ATE1: variants seen among roughly 807,000 people sequenced by gnomAD.
The protein encoded by ATE1 is arginyl-tRNA--protein transferase 1.
Under a neutral mutation model 70.5 loss-of-function variants are expected in ATE1, and 36 were observed. That is an observed-to-expected ratio of 0.51 (90% CI 0.39 to 0.67). The LOEUF is 0.67. ATE1 is among the 30% of genes least tolerant of loss of function. The pLI, the probability that ATE1 is intolerant of heterozygous loss-of-function variation, is 0.00. For synonymous variants in ATE1, 232 were observed against 219.3 expected (o/e 1.06, Z -0.51); for missense variants, 593 against 629.5 (o/e 0.94, Z 0.62).
chr10:121,912,515 G>A (rs931761450), intron 4 of ATE1, among the ~76,000 whole-genome samples: 2 of 151,494 alleles, frequency 1.3e-5, no homozygotes, highest in African/African-American at 4.8e-5. Flanking sequence ...AGCCAGATGT[G>A]GTGGCGGGTG....
chr10:121,830,235 G>A (rs993562689), intron 10 of ATE1, among the ~76,000 whole-genome samples: 13 of 152,190 alleles, frequency 8.5e-5, no homozygotes, highest in Non-Finnish European at 2.9e-5. Flanking sequence ...TGGTAGTGTT[G>A]GGAGATGGGG....
chr10:121,872,242 T>G (rs1186546540), intron 7 of ATE1, among the ~76,000 whole-genome samples: 1 of 152,214 alleles, frequency 6.6e-6, no homozygotes, highest in Non-Finnish European at 1.5e-5. Context: ...TAAAAACTAA[T>G]GTCTCCTTGA....
intron 11 of ATE1, among the ~76,000 whole-genome samples, chr10:121,784,404 C>G (rs146362400): frequency 4.0e-4 from 61 of 152,230 alleles, no homozygotes; most frequent in African/African-American, 1.4e-3. Context: ...TCATACACAC[C>G]AAATATTGTA....
intron 1 of ATE1, among the ~76,000 whole-genome samples, chr10:121,926,061 T>C (rs539915392): frequency 9.2e-4 from 139 of 151,802 alleles, no homozygotes; most frequent in Middle Eastern, 3.4e-3. Context: ...ACAAAAAAAT[T>C]AGCCGGCCGT....
chr10:121,923,429 T>G (rs1460263158), intron 2 of ATE1, among the ~76,000 whole-genome samples: 2 of 152,094 alleles, frequency 1.3e-5, no homozygotes, highest in Non-Finnish European at 2.9e-5. Flanking sequence ...GATGGCACTG[T>G]ACTCTAGCCT....
chr10:121,833,362 T>C (rs1948318700), intron 10 of ATE1, among the ~76,000 whole-genome samples: 1 of 152,122 alleles, frequency 6.6e-6, no homozygotes, highest in Non-Finnish European at 1.5e-5. Flanking sequence ...TCTGCATTAG[T>C]ATTTTCATTC....
At position 121,836,833 on chromosome 10, in the gene ATE1, GA is replaced by G; in HGVS notation, c.1158-17del. 1 of 1,470,040 alleles carries G rather than the reference GA, an allele frequency of 6.8e-7. No individual in the cohort carries two copies. Among genetic ancestry groups the G allele is most frequent in the Non-Finnish European group, 9.4e-7 (1 of 1,060,944 alleles). The allele number at this position is 1,470,040 out of a possible 1,614,324, so 91.1% of individuals were successfully genotyped here. ...AGCAATTTCTCTGCGAAAAGAAAAA[GA>G]AGAAAGCTGAAGGCAGTTAATTCTG... On this transcript the variant is annotated splice_polypyrimidine_tract_variant and intron_variant, in intron 9 of 11. Transcript: ENST00000224652.
At chr10:121,751,476 C>G (rs143071716) in intron 11 of ATE1, among the ~76,000 whole-genome samples, 15 of 152,334 alleles carry the variant, frequency 9.8e-5, no homozygotes, top group Admixed American at 3.3e-4. Flanking sequence ...ATGAGCACTG[C>G]TATTAGCTGC....
intron 11 of ATE1, among the ~76,000 whole-genome samples, chr10:121,762,811 T>C (rs1945108799): frequency 2.6e-5 from 4 of 152,278 alleles, no homozygotes; most frequent in Admixed American, 2.6e-4. Context: ...CTCACATTTA[T>C]TTCAATGTTT....
chr10:121,908,803 A>G (rs575807279), intron 5 of ATE1, among the ~76,000 whole-genome samples: 1 of 152,238 alleles, frequency 6.6e-6, no homozygotes, highest in Non-Finnish European at 1.5e-5. Flanking sequence ...CGGCAAAAAA[A>G]TAGACAAAAG....
chr10:121,882,838 T>C (rs1397712477), intron 7 of ATE1, among the ~76,000 whole-genome samples: 3 of 152,230 alleles, frequency 2.0e-5, no homozygotes, highest in African/African-American at 7.2e-5. Context: ...TCCCATTTCA[T>C]GGTCTTAATC....
At chr10:121,879,041 A>T (rs1039652670) in intron 7 of ATE1, among the ~76,000 whole-genome samples, 3 of 152,224 alleles carry the variant, frequency 2.0e-5, no homozygotes, top group Non-Finnish European at 4.4e-5. Flanking sequence ...GTAACAAGAA[A>T]ATAAGTCTAC....
At chr10:121,905,123 G>A (rs1255145223) in intron 5 of ATE1, among the ~76,000 whole-genome samples, 3 of 152,112 alleles carry the variant, frequency 2.0e-5, no homozygotes, top group Non-Finnish European at 4.4e-5. Flanking sequence ...CCTTGGGCAC[G>A]TTTCCCTGTC....
At chr10:121,847,595 TA>T (rs1008944543) in intron 8 of ATE1, among the ~76,000 whole-genome samples, 2 of 149,694 alleles carry the variant, frequency 1.3e-5, no homozygotes, top group Admixed American at 1.3e-4. Context: ...CTGTCTGTAC[TA>T]AAAATACAAA....
At position 121,835,543 on chromosome 10, in the gene ATE1, A is replaced by C. The variant is rs889707547; in HGVS notation, c.1257+1175T>G. On this transcript the variant is annotated intron_variant, in intron 10 of 11. Transcript: ENST00000224652. ...GATTTAAGAGACACATCGCAAATAT[A>C]ATGTATGAACCTTACTGAGTCCTAA... is the stretch of plus-strand genomic sequence containing the variant. 3.9e-5 allele frequency among the ~76,000 whole-genome samples: 6 copies of C among 152,026 alleles called. No homozygotes were observed. The East Asian group carries it at 1.2e-3, about 29-fold the overall frequency.
intron 1 of ATE1, among the ~76,000 whole-genome samples, chr10:121,924,544 C>CA: frequency 6.6e-6 from 1 of 151,858 alleles, no homozygotes; most frequent in Middle Eastern, 3.2e-3. Context: ...ACTAAAAATA[C>CA]AAAAATTTAG....
At chr10:121,917,712 G>T (rs766552751) in intron 3 of ATE1, among the ~76,000 whole-genome samples, 4 of 152,030 alleles carry the variant, frequency 2.6e-5, no homozygotes, top group Non-Finnish European at 4.4e-5. Flanking sequence ...AAAACCAAAA[G>T]AATTAGTTAA....
intron 3 of ATE1, among the ~76,000 whole-genome samples, chr10:121,918,875 T>A (rs1439153819): frequency 1.3e-5 from 2 of 152,160 alleles, no homozygotes; most frequent in African/African-American, 4.8e-5. Flanking sequence ...ATCAGCTCTC[T>A]GTAGCTAGGA....
chr10:121,925,710 C>CA (rs113313547), intron 1 of ATE1, among the ~76,000 whole-genome samples: 19,648 of 150,004 alleles, frequency 0.13, 1,468 homozygotes, highest in East Asian at 0.18. Flanking sequence ...TCTGTTTTCA[C>CA]AAAAAAAAAA....
Sources: allele counts gnomAD v4.1 joint callset (sites outside exome capture counted in the v4.1 genomes callset), GRCh38; gene constraint gnomAD v4.1.1; transcripts MANE v1.5; gene names NCBI Gene and HGNC (gene_info 2026-07-23, HGNC 2026-07-21).